NEK6: variants seen among roughly 807,000 people sequenced by gnomAD.
NEK6 encodes NIMA related kinase 6.
In NEK6, 27 loss-of-function variants were observed where a neutral mutation model predicts 43.5. The observed-to-expected ratio is 0.62, with a 90% CI of 0.46 to 0.86. The LOEUF is 0.86. NEK6 is among the 40% of genes least tolerant of loss of function. The pLI is 0.00. For missense variants in NEK6, 318 were observed against 414.4 expected, an observed-to-expected ratio of 0.77 and a Z score of 2.02; for synonymous variants, 167 against 164.1, an observed-to-expected ratio of 1.02 and a Z score of -0.14.
At chr9:124,294,933 G>A (rs1832610036) in intron 1 of NEK6, among the ~76,000 whole-genome samples, 2 of 152,182 alleles carry the variant, frequency 1.3e-5, no homozygotes, top group Admixed American at 1.3e-4. Flanking sequence ...CCTGGGGTGA[G>A]TGAAGACATT....
intron 1 of NEK6, among the ~76,000 whole-genome samples, chr9:124,301,087 AG>A (rs1289094551): frequency 1.3e-5 from 2 of 152,082 alleles, no homozygotes; most frequent in African/African-American, 2.4e-5. Context: ...GGGGAGGAGG[AG>A]GGCTTTTCCC....
chr9:124,352,471 G>A lies in NEK6; in HGVS notation c.*1524G>A, dbSNP rs1033071806. The A allele has an allele frequency of 6.6e-6, 1 of 152,232 alleles. No individual in the cohort carries two copies. The highest frequency in any genetic ancestry group is 6.5e-5 in the Admixed American group (1 of 15,288). 9.4% of individuals were successfully genotyped at this position (152,232 alleles called of 1,614,324 possible). A position where few individuals can be genotyped will look rare whatever the true frequency, so the allele number is the denominator to read the frequency against. Reference sequence around the variant, plus strand: ...CTTTGGAGATTTTGCTTTTAAACCAGTAGATTCAAAACTTAAACAGCGTCT... The same window carrying A: ...CTTTGGAGATTTTGCTTTTAAACCAATAGATTCAAAACTTAAACAGCGTCT... On this transcript the variant is annotated 3_prime_UTR_variant, in exon 10 of 10. Transcript: ENST00000320246.
intron 1 of NEK6, among the ~76,000 whole-genome samples, chr9:124,298,741 C>T (rs1037750424): frequency 7.9e-5 from 12 of 152,122 alleles, no homozygotes; most frequent in Admixed American, 3.9e-4. Flanking sequence ...CCTTGGGACC[C>T]GGGCAAATCT....
intron 1 of NEK6, among the ~76,000 whole-genome samples, chr9:124,296,788 G>A (rs763723358): frequency 3.3e-5 from 5 of 152,210 alleles, no homozygotes; most frequent in Non-Finnish European, 5.9e-5. Flanking sequence ...TCTCCATGAA[G>A]TGTGGCATTT....
At chr9:124,257,631 A>C, upstream of NEK6, 1 of 1,504,606 alleles carries the variant, frequency 6.6e-7, no homozygotes, top group Non-Finnish European at 8.9e-7. Context: ...GGGGAATCCG[A>C]AGACGCACAG....
intron 1 of NEK6, among the ~76,000 whole-genome samples, chr9:124,262,137 C>T (rs1450837080): frequency 1.3e-5 from 2 of 151,964 alleles, no homozygotes; most frequent in Non-Finnish European, 2.9e-5. Flanking sequence ...TGTTGAGGGC[C>T]TCAGTGGCTT....
chr9:124,312,423 T>C, intron 2 of NEK6, 86 bp from the exon 3 acceptor site: 2 of 1,429,372 alleles, frequency 1.4e-6, no homozygotes, highest in Admixed American at 2.2e-5. Flanking sequence ...TAGAGGGTGC[T>C]GTTGGGGTGC....
Position 124,352,948 on chromosome 9 carries a change from A to AC in NEK6, c.*2003dup, listed in dbSNP as rs1246516858. ...TGGAGGCGCACGATCTCAGCCACTC[A>AC]CCAGGCCTGAGTGTTTGTGAAATGA... On this transcript the variant is annotated 3_prime_UTR_variant, in exon 10 of 10. Transcript: ENST00000320246. 1 of 152,386 alleles carries AC rather than the reference A, an allele frequency of 6.6e-6. No individual in the cohort carries two copies. The highest frequency in any genetic ancestry group is 2.4e-5 in the African/African-American group (1 of 41,426). The allele number at this position is 152,386 out of a possible 1,614,324, so 9.4% of individuals were successfully genotyped here.
chr9:124,311,311 G>A (rs994153833), intron 2 of NEK6, among the ~76,000 whole-genome samples: 10 of 152,218 alleles, frequency 6.6e-5, no homozygotes, highest in African/African-American at 2.4e-4. Flanking sequence ...TTCACTAGGG[G>A]CGGTGGCATG....
At chr9:124,285,392 C>T (rs189986263) in intron 1 of NEK6, among the ~76,000 whole-genome samples, 4 of 152,132 alleles carry the variant, frequency 2.6e-5, no homozygotes, top group Admixed American at 2.0e-4. Context: ...TCTCAGAGGC[C>T]GACCTGCATG....
intron 4 of NEK6, among the ~76,000 whole-genome samples, chr9:124,318,349 T>G (rs1351345499): frequency 6.6e-6 from 1 of 151,856 alleles, no homozygotes; most frequent in African/African-American, 2.4e-5. Context: ...TCAAGTGATC[T>G]TCCCACCTTA....
At chr9:124,295,936 A>G (rs889704836) in intron 1 of NEK6, among the ~76,000 whole-genome samples, 4 of 152,262 alleles carry the variant, frequency 2.6e-5, no homozygotes, top group Non-Finnish European at 5.9e-5. Context: ...CCTCATCAAC[A>G]AAACAAGGGT....
chr9:124,272,352 C>T (rs1831476263), intron 1 of NEK6, among the ~76,000 whole-genome samples: 1 of 152,238 alleles, frequency 6.6e-6, no homozygotes, highest in Admixed American at 6.5e-5. Context: ...GGCATGAAGT[C>T]CCTGCCTGCA....
At chr9:124,333,244 T>C (rs1829106720) in intron 7 of NEK6, among the ~76,000 whole-genome samples, 1 of 152,240 alleles carries the variant, frequency 6.6e-6, no homozygotes, top group Non-Finnish European at 1.5e-5. Flanking sequence ...TGAGTGGCTA[T>C]TGTCAGCGTA....
intron 1 of NEK6, among the ~76,000 whole-genome samples, chr9:124,269,829 G>A (rs948046557): frequency 6.6e-6 from 1 of 152,100 alleles, no homozygotes; most frequent in African/African-American, 2.4e-5. Flanking sequence ...CATTAAGGGA[G>A]TTTACTGCAG....
rs748026924 is a variant in NEK6 at position 124,312,495 on chromosome 9, G to A, written c.91-14G>A. ...GCCTGGCTGCTCACGGAGGCCCTCT[G>A]TCCCCCGTTCCAGAGGCATCCCAAC... On this transcript the variant is annotated splice_polypyrimidine_tract_variant and intron_variant, in intron 2 of 9. Transcript: ENST00000320246. 1.2e-6 allele frequency: 2 copies of A among 1,610,698 alleles called. No homozygotes were observed. Among genetic ancestry groups the A allele is most frequent in the Admixed American group, 3.3e-5 (2 of 59,814 alleles).
chr9:124,302,182 C>T (rs2130798289), intron 2 of NEK6, 128 bp downstream of exon 2: 2 of 650,882 alleles, frequency 3.1e-6, no homozygotes, highest in South Asian at 4.2e-5. Context: ...CTCTTGAATG[C>T]TTCCAGTGAT....
At chr9:124,261,955 CT>C (rs544517624) in intron 1 of NEK6, among the ~76,000 whole-genome samples, 323 of 143,314 alleles carry the variant, frequency 2.3e-3, no homozygotes, top group Middle Eastern at 3.6e-3. Flanking sequence ...ACATTTTTAT[CT>C]TTTTTTTTTT....
rs573755772 is a variant in NEK6, at chr9:124,311,730, C to A, written c.91-779C>A. ...TGAGAGGGGGACAGAGTCTCCATCACCCAGGCTGGAGTGCAGTGGCATGAT... is the reference window on the plus strand; with the variant it reads ...TGAGAGGGGGACAGAGTCTCCATCAACCAGGCTGGAGTGCAGTGGCATGAT... On this transcript the variant is annotated intron_variant, in intron 2 of 9. Transcript: ENST00000320246. Among the ~76,000 whole-genome samples, 422 of 152,310 alleles carry A rather than the reference C, an allele frequency of 2.8e-3. 4 individuals are homozygous for A. Among genetic ancestry groups the A allele is most frequent in the Middle Eastern group, 0.02 (6 of 294 alleles).
Sources: gnomAD v4.1 joint callset for allele counts (sites outside exome capture counted in the v4.1 genomes callset) on GRCh38, gnomAD v4.1.1 for gene constraint, MANE v1.5 for transcripts, NCBI Gene and HGNC (gene_info 2026-07-23, HGNC 2026-07-21) for gene names.